FAT3: variants seen among roughly 807,000 people sequenced by gnomAD.
FAT3 encodes the protein protocadherin Fat 3.
In FAT3, 95 loss-of-function variants were observed where a neutral mutation model predicts 310.2. That is an observed-to-expected ratio of 0.31 (90% confidence interval 0.26 to 0.36). The LOEUF (loss-of-function observed/expected upper bound fraction) is 0.36. FAT3 is among the 10% of genes least tolerant of loss of function. The pLI, the probability that FAT3 is intolerant of heterozygous loss-of-function variation, is 1.00. For missense variants in FAT3, 5,408 were observed against 5,715.6 expected (o/e 0.95, Z 1.74); for synonymous variants, 2,314 against 2,192.9 (o/e 1.06, Z -1.54).
At chr11:92,697,713 G>A (rs930165839) in intron 4 of FAT3, among the ~76,000 whole-genome samples, 22 of 152,264 alleles carry the variant, frequency 1.4e-4, no homozygotes, top group Admixed American at 9.1e-4. Flanking sequence ...TCAGGCCCTC[G>A]TGTCAATAAT....
At chr11:92,466,981 A>G (rs1048203072) in intron 2 of FAT3, among the ~76,000 whole-genome samples, 1 of 151,886 alleles carries the variant, frequency 6.6e-6, no homozygotes, top group African/African-American at 2.4e-5. Context: ...CCAGTCTATC[A>G]TTGTTGGACA....
At chr11:92,648,260 T>C (rs769060795) in intron 3 of FAT3, among the ~76,000 whole-genome samples, 17 of 152,192 alleles carry the variant, frequency 1.1e-4, no homozygotes, top group Non-Finnish European at 2.2e-4. Context: ...AAAGAATGTA[T>C]ATGAAGATGA....
At chr11:92,732,473 C>A (rs1449996319) in intron 4 of FAT3, among the ~76,000 whole-genome samples, 2 of 152,066 alleles carry the variant, frequency 1.3e-5, no homozygotes, top group Non-Finnish European at 2.9e-5. Context: ...ATTGCTTATA[C>A]CCTCAATGCA....
chr11:92,414,771 G>T (rs1186448344), intron 2 of FAT3, among the ~76,000 whole-genome samples: 1 of 152,312 alleles, frequency 6.6e-6, no homozygotes, highest in South Asian at 2.1e-4. Flanking sequence ...AGCACTTTGG[G>T]AGGCTGAGGC....
chr11:92,404,383 G>C (rs953567847), intron 2 of FAT3, among the ~76,000 whole-genome samples: 8 of 152,078 alleles, frequency 5.3e-5, no homozygotes, highest in African/African-American at 1.9e-4. Flanking sequence ...GTAGGAAGAA[G>C]AAAATAAAAA....
At chr11:92,539,048 A>C (rs1954355458) in intron 3 of FAT3, among the ~76,000 whole-genome samples, 1 of 152,142 alleles carries the variant, frequency 6.6e-6, no homozygotes, top group Non-Finnish European at 1.5e-5. Context: ...CACTTAAGTA[A>C]ATTTCTCTTC....
chr11:92,767,379 C>T (rs1170519873), intron 6 of FAT3, among the ~76,000 whole-genome samples: 1 of 152,108 alleles, frequency 6.6e-6, no homozygotes, highest in East Asian at 1.9e-4. Flanking sequence ...TCTCCCTCCT[C>T]CTTGAACACT....
intron 1 of FAT3, among the ~76,000 whole-genome samples, chr11:92,239,744 A>G (rs1156443319): frequency 6.6e-6 from 1 of 152,130 alleles, no homozygotes; most frequent in African/African-American, 2.4e-5. Context: ...TTCTCAGCTG[A>G]ATGTAAATAA....
chr11:92,502,635 G>A (rs1016004664), intron 2 of FAT3, among the ~76,000 whole-genome samples: 2 of 152,052 alleles, frequency 1.3e-5, no homozygotes, highest in African/African-American at 2.4e-5. Flanking sequence ...GGAAAGTGTA[G>A]GCAGGCAAAT....
chr11:92,364,900 A>G (rs2134688300), intron 2 of FAT3, among the ~76,000 whole-genome samples: 2 of 152,334 alleles, frequency 1.3e-5, no homozygotes, highest in African/African-American at 4.8e-5. Flanking sequence ...GGTGAGAATA[A>G]TACTGAGTAA....
intron 2 of FAT3, chr11:92,403,513 G>A (rs899697929): frequency 7.2e-5 from 11 of 152,202 alleles, no homozygotes; most frequent in Admixed American, 2.0e-4. Flanking sequence ...TGTGATAGGA[G>A]TTTAGAGATG....
intron 2 of FAT3, among the ~76,000 whole-genome samples, chr11:92,372,158 C>T (rs1026872030): frequency 2.0e-5 from 3 of 152,132 alleles, no homozygotes; most frequent in Non-Finnish European, 4.4e-5. Context: ...CCACATAGAC[C>T]ATTAAGTCAC....
At chr11:92,233,363 G>A (rs1864271844) in intron 1 of FAT3, among the ~76,000 whole-genome samples, 1 of 152,162 alleles carries the variant, frequency 6.6e-6, no homozygotes, top group African/African-American at 2.4e-5. Flanking sequence ...ATCATTCACA[G>A]TCTGGTTGAA....
intron 2 of FAT3, among the ~76,000 whole-genome samples, chr11:92,433,032 C>T (rs533967182): frequency 7.9e-5 from 12 of 152,256 alleles, no homozygotes; most frequent in Admixed American, 2.0e-4. Flanking sequence ...TTATTTACAC[C>T]GTGAAGGGAA....
chr11:92,741,990 G>T (rs943509565), intron 4 of FAT3, among the ~76,000 whole-genome samples: 6 of 152,188 alleles, frequency 3.9e-5, no homozygotes, highest in African/African-American at 1.4e-4. Flanking sequence ...ACCAATGCAA[G>T]GCCTTGTTCC....
intron 2 of FAT3, among the ~76,000 whole-genome samples, chr11:92,515,584 C>T (rs985498153): frequency 3.3e-5 from 5 of 152,072 alleles, no homozygotes; most frequent in African/African-American, 1.2e-4. Flanking sequence ...TTGAGTCTGA[C>T]AAACTAAAGT....
intron 2 of FAT3, among the ~76,000 whole-genome samples, chr11:92,369,829 G>C (rs375107255): frequency 1.3e-5 from 2 of 152,100 alleles, no homozygotes; most frequent in African/African-American, 4.8e-5. Context: ...CCTGGTGACA[G>C]AGCAAAACTC....
chr11:92,755,650 T>C (rs1180477863), intron 4 of FAT3, among the ~76,000 whole-genome samples: 18 of 152,240 alleles, frequency 1.2e-4, no homozygotes, highest in Non-Finnish European at 1.2e-4. Flanking sequence ...ATATCATAAG[T>C]ATTTGCAATT....
rs759143957 is a variant in FAT3, at chr11:92,524,647, C to A, written c.3306C>A (p.Ala1102=). 6 of 1,612,704 alleles carry A rather than the reference C, an allele frequency of 3.7e-6. No individual in the cohort carries two copies. The highest frequency in any genetic ancestry group is 5.1e-6 in the Non-Finnish European group (6 of 1,179,072). The change falls in exon 3 of 28, where the codon GCC becomes GCA. Residue 1102 remains alanine (A), a synonymous_variant. Coordinates refer to ENST00000525166, the MANE Select transcript of FAT3 (RefSeq NM_001367949.2). ...SIDDESGVIT[A]ADILDRETMG... ...TTTTTGTCTCAGGGGTCATCACTGC[C>A]GCAGACATTCTTGATCGGGAGACAA...
Sources: allele counts gnomAD v4.1 joint callset (sites outside exome capture counted in the v4.1 genomes callset), GRCh38; gene constraint gnomAD v4.1.1; transcripts MANE v1.5; gene names NCBI Gene and HGNC (gene_info 2026-07-23, HGNC 2026-07-21).